Variants in ZNF92 observed in about 807,000 individuals in gnomAD.
ZNF92 encodes the protein epididymis luminal protein 203.
Under a neutral mutation model 12.4 loss-of-function variants are expected in ZNF92, and 11 were observed. The ratio of observed to expected loss-of-function variants is 0.89; its 90% CI spans 0.56 to 1.47. ZNF92 has a LOEUF of 1.47. Ranked by LOEUF, ZNF92 falls within the 40% of genes most tolerant of loss-of-function variation. The pLI, the probability that ZNF92 is intolerant of heterozygous loss-of-function variation, is 0.00. For synonymous variants in ZNF92, 206 were observed against 228.6 expected, an observed-to-expected ratio of 0.90 and a Z score of 0.89; for missense variants, 622 against 681.0, an observed-to-expected ratio of 0.91 and a Z score of 0.96.
In ZNF92 at chr7:65,399,028, G is replaced by T. The variant is rs1368515693; in HGVS notation, c.914G>T (p.Arg305Ile). ...TTCTCGATTCTTAATAAACATAAGAGAATTCATATGGAAGATAAACCCTAC... is the reference window on the plus strand; with the variant it reads ...TTCTCGATTCTTAATAAACATAAGATAATTCATATGGAAGATAAACCCTAC... ...NQFSILNKHK[R>I]IHMEDKPYKC... Residue 305 changes from arginine to isoleucine, a missense_variant, in exon 4 of 4, where the codon AGA (arginine) becomes ATA (isoleucine). Arg to Ile is a moderately conservative substitution (Grantham distance 97). Coordinates refer to ENST00000328747, the MANE Select transcript of ZNF92 (RefSeq NM_152626.4). The T allele has an allele frequency of 1.2e-5, 19 of 1,611,684 alleles. No individual in the cohort carries two copies. The highest frequency in any genetic ancestry group is 2.2e-5 in the East Asian group (1 of 44,740).
Position 65,399,469 on chromosome 7 carries a change from C to G in ZNF92, c.1355C>G (p.Pro452Arg), listed in dbSNP as rs755786567. The G allele has an allele frequency of 6.2e-7, 1 of 1,613,394 alleles. No individual in the cohort carries two copies. The highest frequency in any genetic ancestry group is 8.5e-7 in the Non-Finnish European group (1 of 1,179,758). The change falls in exon 4 of 4, where the codon CCC (proline) becomes CGC (arginine). Residue 452 changes from proline (P) to arginine (R), a missense_variant. Transcript: ENST00000328747. ...KHKRNHMEDKPYKCEECGKAF... is the reference protein window; with the variant it reads ...KHKRNHMEDKRYKCEECGKAF... ...AAGAGAAATCATATGGAAGATAAAC[C>G]CTACAAATGTGAAGAATGTGGCAAA...
chr7:65,396,995 G>A (rs1793862036), intron 3 of ZNF92, among the ~76,000 whole-genome samples: 1 of 151,254 alleles, frequency 6.6e-6, no homozygotes, highest in African/African-American at 2.4e-5. Flanking sequence ...TTATCTTCAA[G>A]TATCCTCTGT....
At chr7:65,389,626 C>T (rs577751786) in intron 3 of ZNF92, among the ~76,000 whole-genome samples, 7 of 152,162 alleles carry the variant, frequency 4.6e-5, no homozygotes, top group African/African-American at 1.7e-4. Flanking sequence ...GAGCAATTCT[C>T]CTGCCTCAGC....
intron 1 of ZNF92, among the ~76,000 whole-genome samples, chr7:65,384,741 A>G (rs1198669398): frequency 6.6e-6 from 1 of 151,894 alleles, no homozygotes; most frequent in Non-Finnish European, 1.5e-5. Context: ...TACATTTTTC[A>G]CAAAAAAAAT....
intron 3 of ZNF92, among the ~76,000 whole-genome samples, chr7:65,394,353 G>A (rs1793796242): frequency 6.6e-6 from 1 of 151,976 alleles, no homozygotes; most frequent in Admixed American, 6.6e-5. Flanking sequence ...AAGATCATTT[G>A]ATCATATATA....
chr7:65,392,306 G>A (rs1401364228), intron 3 of ZNF92, among the ~76,000 whole-genome samples: 4 of 150,744 alleles, frequency 2.7e-5, no homozygotes, highest in African/African-American at 7.3e-5. Flanking sequence ...AATTTCCTTT[G>A]GGTAAGAGAA....
At chr7:65,374,677 G>A (rs2116324166) in intron 1 of ZNF92, among the ~76,000 whole-genome samples, 1 of 151,950 alleles carries the variant, frequency 6.6e-6, no homozygotes, top group East Asian at 1.9e-4. Flanking sequence ...TGTTCCCTCG[G>A]TGTTATTTAC....
At chr7:65,384,601 A>C (rs1793512236) in intron 1 of ZNF92, among the ~76,000 whole-genome samples, 1 of 152,126 alleles carries the variant, frequency 6.6e-6, no homozygotes, top group African/African-American at 2.4e-5. Flanking sequence ...TCCTTATTCT[A>C]TTCCTGAAGA....
chr7:65,389,485 G>C (rs922293732), intron 3 of ZNF92, among the ~76,000 whole-genome samples: 1 of 152,018 alleles, frequency 6.6e-6, no homozygotes, highest in African/African-American at 2.4e-5. Context: ...CACACAAATA[G>C]CTGCATAATT....
At chr7:65,390,414 T>A (rs563869699) in intron 3 of ZNF92, among the ~76,000 whole-genome samples, 1 of 152,076 alleles carries the variant, frequency 6.6e-6, no homozygotes, top group African/African-American at 2.4e-5. Context: ...TATAAACTGG[T>A]TTTAGAAGGT....
rs778853048 is a variant in ZNF92 at position 65,399,486 on chromosome 7, T to G, written c.1372T>G (p.Cys458Gly). ...MEDKPYKCEE[C>G]GKAFSVFSTL... ...AGATAAACCCTACAAATGTGAAGAATGTGGCAAAGCCTTTAGTGTATTCTC... is the reference window on the plus strand; with the variant it reads ...AGATAAACCCTACAAATGTGAAGAAGGTGGCAAAGCCTTTAGTGTATTCTC... Residue 458 changes from cysteine (C) to glycine (G), a missense_variant, in exon 4 of 4, where the codon TGT (cysteine) becomes GGT (glycine). Cys to Gly is a radical substitution (Grantham distance 159, BLOSUM62 -3). Transcript: ENST00000328747. 1.2e-6 allele frequency: 2 copies of G among 1,613,374 alleles called. No individual in the cohort carries two copies. The highest frequency in any genetic ancestry group is 1.7e-6 in the Non-Finnish European group (2 of 1,179,756).
intron 1 of ZNF92, among the ~76,000 whole-genome samples, chr7:65,381,442 A>G (rs1793416823): frequency 6.6e-6 from 1 of 152,002 alleles, no homozygotes; most frequent in Non-Finnish European, 1.5e-5. Flanking sequence ...ATAGTTTGCA[A>G]ATATTTTTCT....
At position 65,400,751 on chromosome 7, in the gene ZNF92, ACT is replaced by A. The variant is rs1323762486; in HGVS notation, c.*880_*881del. 3 of 151,988 alleles carry A rather than the reference ACT, an allele frequency of 2.0e-5. No individual in the cohort carries two copies. The highest frequency in any genetic ancestry group is 4.8e-5 in the African/African-American group (2 of 41,422). The allele number at this position is 151,988 out of a possible 1,614,324, so 9.4% of individuals were successfully genotyped here. On this transcript the variant is annotated 3_prime_UTR_variant, in exon 4 of 4. Transcript: ENST00000328747. ...TTTGAAAAGCAATTGATGTAATTTAACTCTCAAATTCATGTTTTTCTTCATTC... is the reference window on the plus strand; with the variant it reads ...TTTGAAAAGCAATTGATGTAATTTAACTCAAATTCATGTTTTTCTTCATTC...
In ZNF92 at chr7:65,390,085, TG is replaced by T. The variant is rs1212726687; in HGVS notation, c.226+1185del. 3.0e-4 allele frequency among the ~76,000 whole-genome samples: 45 copies of T among 152,264 alleles called. 1 individual carries two copies. The highest frequency in any genetic ancestry group is 9.9e-4 in the African/African-American group (41 of 41,540). Reference sequence around the variant, plus strand: ...ATTTTAATGGTATTACAAATAAGATTGTTTTTTTCCTCTTTTATATCATGTA... The same window carrying T: ...ATTTTAATGGTATTACAAATAAGATTTTTTTTTCCTCTTTTATATCATGTA... On this transcript the variant is annotated intron_variant, in intron 3 of 3. Transcript: ENST00000328747.
Position 65,380,973 on chromosome 7 carries a change from CT to C in ZNF92, c.4-6923del, listed in dbSNP as rs1236680388. Among the ~76,000 whole-genome samples, 89 of 151,876 alleles carry C rather than the reference CT, an allele frequency of 5.9e-4. 1 individual carries two copies. The highest frequency in any genetic ancestry group is 4.4e-5 in the Non-Finnish European group (3 of 67,966). On this transcript the variant is annotated intron_variant, in intron 1 of 3. Transcript: ENST00000328747. The stretch of plus-strand genomic sequence containing the variant: ...TCTCTCTAATGATTAGTGATGAGCA[CT>C]TTTTTAATATGCTTGTTAGCCACAT...
intron 1 of ZNF92, among the ~76,000 whole-genome samples, chr7:65,382,135 C>T (rs1309733950): frequency 6.6e-6 from 1 of 151,968 alleles, no homozygotes; most frequent in Non-Finnish European, 1.5e-5. Flanking sequence ...CCCCAGTTGC[C>T]AGGTGAATTT....
chr7:65,390,619 C>T (rs1373487935), intron 3 of ZNF92, among the ~76,000 whole-genome samples: 3 of 152,040 alleles, frequency 2.0e-5, no homozygotes, highest in Non-Finnish European at 4.4e-5. Context: ...TTTGCTCTGT[C>T]GGGCAGACAC....
intron 1 of ZNF92, among the ~76,000 whole-genome samples, chr7:65,377,821 T>G (rs1046935086): frequency 6.6e-6 from 1 of 152,070 alleles, no homozygotes; most frequent in Non-Finnish European, 1.5e-5. Context: ...CACCTCGGCC[T>G]CCCAAAGTGT....
At chr7:65,384,528 C>G (rs750557895) in intron 1 of ZNF92, among the ~76,000 whole-genome samples, 1 of 152,016 alleles carries the variant, frequency 6.6e-6, no homozygotes, top group Non-Finnish European at 1.5e-5. Context: ...TATTTTAGGG[C>G]CTTAATTTCT....
Sources: allele counts gnomAD v4.1 joint callset (sites outside exome capture counted in the v4.1 genomes callset), GRCh38; gene constraint gnomAD v4.1.1; transcripts MANE v1.5; gene names NCBI Gene and HGNC (gene_info 2026-07-23, HGNC 2026-07-21).